The following HMCN1 variants were observed in gnomAD, a reference collection of about 807,000 sequenced individuals.
HMCN1 encodes the protein hemicentin 1.
In HMCN1, 321 loss-of-function variants were observed where a neutral mutation model predicts 625.9. The ratio of observed to expected loss-of-function variants is 0.51; its 90% CI spans 0.47 to 0.56. The LOEUF is 0.56. Among genes scored for constraint, HMCN1 ranks in the 20% least tolerant of loss-of-function variants. HMCN1 has a pLI of 0.00. For synonymous variants in HMCN1, 2,425 were observed against 2,417.6 expected (o/e 1.00, Z -0.09); for missense variants, 6,588 against 6,887.3 (o/e 0.96, Z 1.54).
intron 68 of HMCN1, among the ~76,000 whole-genome samples, chr1:186,101,284 A>T (rs887893659): frequency 4.8e-4 from 73 of 152,248 alleles, no homozygotes; most frequent in Admixed American, 9.8e-4. Context: ...GTAGACTGGG[A>T]CACAAGGGAG....
intron 11 of HMCN1, among the ~76,000 whole-genome samples, chr1:185,934,622 G>T (rs1028049717): frequency 1.3e-5 from 2 of 152,084 alleles, no homozygotes; most frequent in Non-Finnish European, 2.9e-5. Flanking sequence ...TACTGTTGGC[G>T]GTTTTTCACT....
chr1:185,887,521 T>C lies in HMCN1; in HGVS notation c.621+21658T>C, dbSNP rs962155691. Among the ~76,000 whole-genome samples the C allele has an allele frequency of 4.7e-5, 7 of 150,208 alleles. 1 individual carries two copies. The highest frequency in any genetic ancestry group is 1.7e-4 in the African/African-American group (7 of 41,062). ...CCCTTCCTGTGTCCATGTGATATCATTGTTCAATTCCCACCTGTGAGTGAG... is the reference window on the plus strand; with the variant it reads ...CCCTTCCTGTGTCCATGTGATATCACTGTTCAATTCCCACCTGTGAGTGAG... On this transcript the variant is annotated intron_variant, in intron 4 of 106. Transcript: ENST00000271588.
At chr1:185,822,140 T>C (rs1660223953) in intron 1 of HMCN1, among the ~76,000 whole-genome samples, 1 of 152,126 alleles carries the variant, frequency 6.6e-6, no homozygotes, top group African/African-American at 2.4e-5. Context: ...TATATGTCAC[T>C]ATACATTTGT....
At chr1:186,127,070 G>GA (rs759635492) in intron 82 of HMCN1, among the ~76,000 whole-genome samples, 2 of 151,754 alleles carry the variant, frequency 1.3e-5, no homozygotes, top group East Asian at 1.9e-4. Flanking sequence ...AGGGTGTGAG[G>GA]AAAAAAAATA....
chr1:185,753,629 T>G (rs557815805), intron 1 of HMCN1, among the ~76,000 whole-genome samples: 3 of 152,230 alleles, frequency 2.0e-5, no homozygotes, highest in Non-Finnish European at 4.4e-5. Flanking sequence ...AAAGTTTTGA[T>G]CTGTTGTATT....
chr1:185,885,090 T>A (rs1225634609), intron 4 of HMCN1, among the ~76,000 whole-genome samples: 1 of 151,880 alleles, frequency 6.6e-6, no homozygotes, highest in African/African-American at 2.4e-5. Flanking sequence ...TTTATGTTTT[T>A]TTTTTGGTAG....
chr1:185,797,965 C>CAA (rs35031310), intron 1 of HMCN1, among the ~76,000 whole-genome samples: 1,374 of 13,646 alleles, frequency 0.1, 463 homozygotes, highest in Non-Finnish European at 0.13. Flanking sequence ...GACTCCGTCT[C>CAA]AAAAAAAAAA....
chr1:185,777,382 T>C (rs1365887759), intron 1 of HMCN1, among the ~76,000 whole-genome samples: 2 of 152,152 alleles, frequency 1.3e-5, no homozygotes, highest in East Asian at 3.8e-4. Flanking sequence ...TTCAAATGTT[T>C]GACACAATGT....
chr1:185,952,113 T>A (rs888467780), intron 11 of HMCN1, among the ~76,000 whole-genome samples: 4 of 151,620 alleles, frequency 2.6e-5, no homozygotes, highest in Admixed American at 1.3e-4. Flanking sequence ...TTATATTTGA[T>A]GAAAAAGAGC....
intron 28 of HMCN1, among the ~76,000 whole-genome samples, chr1:186,003,306 A>G (rs990375567): frequency 1.4e-4 from 21 of 152,206 alleles, no homozygotes; most frequent in African/African-American, 5.1e-4. Flanking sequence ...CAAAGGTAAT[A>G]TATTTCAAGT....
chr1:185,814,929 T>G (rs1285035925), intron 1 of HMCN1, among the ~76,000 whole-genome samples: 1 of 149,956 alleles, frequency 6.7e-6, no homozygotes, highest in East Asian at 1.9e-4. Context: ...TGACCTCAAG[T>G]GATCCACCCA....
intron 11 of HMCN1, among the ~76,000 whole-genome samples, chr1:185,935,329 C>T (rs567491044): frequency 4.8e-4 from 73 of 152,122 alleles, no homozygotes; most frequent in Non-Finnish European, 8.5e-4. Context: ...ATGCAGATTT[C>T]TAACCCCACA....
Position 185,866,231 on chromosome 1 carries a change from T to A in HMCN1, c.621+368T>A, listed in dbSNP as rs139230885. Among the ~76,000 whole-genome samples the A allele has an allele frequency of 1.4e-3, 216 of 152,132 alleles. 1 individual carries two copies. Among genetic ancestry groups the A allele is most frequent in the African/African-American group, 4.8e-3 (201 of 41,534 alleles). On this transcript the variant is annotated intron_variant, in intron 4 of 106. Coordinates refer to ENST00000271588, the MANE Select transcript of HMCN1 (RefSeq NM_031935.3). ...TTACTGAAGTAGAATGCGAAAAAGT[T>A]AATTATTGAGCAAAATTCTGATGAG...
chr1:186,088,181 T>C lies in HMCN1; in HGVS notation c.9482T>C (p.Ile3161Thr). ...PSIEGPEREV[I>T]VETISNPVTL... The stretch of plus-strand genomic sequence containing the variant: ...ATTGAAGGACCTGAAAGAGAAGTGA[T>C]TGTGGAGACGATCAGCAATCCTGTG... Residue 3161 changes from isoleucine to threonine, a missense_variant, in exon 62 of 107, where the codon ATT (isoleucine) becomes ACT (threonine). Ile to Thr is a moderately conservative substitution (Grantham distance 89). This residue lies in a region of HMCN1 where 4,628 missense variants were observed against 4,853.1 expected (regional missense o/e 0.95). Coordinates refer to ENST00000271588, the MANE Select transcript of HMCN1 (RefSeq NM_031935.3). 6.2e-7 allele frequency: 1 copy of C among 1,612,072 alleles called. No homozygotes were observed. The highest frequency in any genetic ancestry group is 8.5e-7 in the Non-Finnish European group (1 of 1,178,944).
chr1:186,088,539 T>C (rs1192892659), intron 62 of HMCN1, 67 bp from the exon 63 acceptor site: 1 of 1,546,040 alleles, frequency 6.5e-7, no homozygotes, highest in Non-Finnish European at 8.8e-7. Flanking sequence ...CATTTTATCA[T>C]GAATTTTAGA....
intron 4 of HMCN1, among the ~76,000 whole-genome samples, chr1:185,902,591 G>A (rs1048399133): frequency 5.3e-5 from 8 of 151,692 alleles, no homozygotes; most frequent in African/African-American, 1.9e-4. Flanking sequence ...GTGTGAGTGT[G>A]TATGCATATA....
intron 14 of HMCN1, 89 bp from the exon 15 acceptor site, chr1:185,970,246 T>G: frequency 7.9e-7 from 1 of 1,259,972 alleles, no homozygotes; most frequent in Non-Finnish European, 1.2e-6. Context: ...GCAATCAACT[T>G]TATTTGGAAG....
intron 2 of HMCN1, among the ~76,000 whole-genome samples, chr1:185,846,762 C>A (rs891101175): frequency 3.3e-5 from 5 of 152,148 alleles, no homozygotes; most frequent in African/African-American, 1.2e-4. Flanking sequence ...TCGGTACCTG[C>A]CTCATTGGCT....
intron 42 of HMCN1, among the ~76,000 whole-genome samples, chr1:186,051,356 C>T (rs1002147309): frequency 7.2e-5 from 11 of 151,954 alleles, no homozygotes; most frequent in Admixed American, 2.6e-4. Flanking sequence ...GTCTTTCCCT[C>T]AGAGAAGGAA....
Sources: gnomAD v4.1 joint callset for allele counts (sites outside exome capture counted in the v4.1 genomes callset) on GRCh38, gnomAD v4.1.1 for gene constraint, gnomAD v4.1.1 regional missense constraint, MANE v1.5 for transcripts, NCBI Gene and HGNC (gene_info 2026-07-23, HGNC 2026-07-21) for gene names.